Variants in IQGAP1 observed in about 807,000 individuals in gnomAD.
IQGAP1 encodes ras GTPase-activating-like protein IQGAP1.
Under a neutral mutation model 215.6 loss-of-function variants are expected in IQGAP1, and 66 were observed. The ratio of observed to expected loss-of-function variants is 0.31; its 90% confidence interval spans 0.25 to 0.38. The LOEUF (loss-of-function observed/expected upper bound fraction) is 0.38. Ranked by LOEUF, IQGAP1 falls within the 10% of genes least tolerant of loss-of-function variation. The probability of loss-of-function intolerance (pLI) is 1.00; values close to 1 mark genes in which losing one functional copy is unlikely to be tolerated. For synonymous variants in IQGAP1, 772 were observed against 728.7 expected (o/e 1.06, Z -0.96); for missense variants, 1,712 against 1,997.1 (o/e 0.86, Z 2.72).
At position 90,439,317 on chromosome 15, in the gene IQGAP1, T is replaced by C; in HGVS notation, c.468-15T>C. On this transcript the variant is annotated splice_polypyrimidine_tract_variant and intron_variant, in intron 5 of 37. Transcript: ENST00000268182. ...CAGCTGGGAGGCCTAACCTTTTGCA[T>C]ATTGTATCTTCTAGTTTGTACCTGT... is the stretch of plus-strand genomic sequence containing the variant. 1 of 1,610,322 alleles carries C rather than the reference T, an allele frequency of 6.2e-7. No homozygotes were observed. The highest frequency in any genetic ancestry group is 8.5e-7 in the Non-Finnish European group (1 of 1,177,404).
chr15:90,473,726 A>C lies in IQGAP1; in HGVS notation c.2361A>C (p.Arg787Ser). ...PAITCIQSQW[R>S]GYKQKKAYQD... ...TTTGACTGTTTCAGTCACAGTGGAGAGGATACAAGCAGAAGAAGGCATATC... is the reference window on the plus strand; with the variant it reads ...TTTGACTGTTTCAGTCACAGTGGAGCGGATACAAGCAGAAGAAGGCATATC... The change falls in exon 20 of 38, where the codon AGA becomes AGC. Residue 787 changes from arginine to serine, a missense_variant. Arg to Ser is a moderately radical substitution (Grantham distance 110). This residue lies in a region of IQGAP1 where 1,021 missense variants were observed against 1,074.2 expected (regional missense o/e 0.95). Transcript: ENST00000268182. 4 of 1,607,816 alleles carry C rather than the reference A, an allele frequency of 2.5e-6. No homozygotes were observed. Among genetic ancestry groups the C allele is most frequent in the Non-Finnish European group, 3.4e-6 (4 of 1,176,238 alleles).
At chr15:90,461,633 G>A (rs1322892553) in intron 15 of IQGAP1, among the ~76,000 whole-genome samples, 1 of 152,146 alleles carries the variant, frequency 6.6e-6, no homozygotes, top group East Asian at 1.9e-4. Context: ...GAGGTCAGGA[G>A]TTTGAGACCA....
At chr15:90,487,454 A>AAC in intron 32 of IQGAP1, 41 bp from the exon 33 acceptor site, 1 of 1,427,318 alleles carries the variant, frequency 7.0e-7, no homozygotes, top group East Asian at 2.3e-5. Context: ...GAGGAACTAG[A>AAC]ACACTGGTAA....
intron 2 of IQGAP1, among the ~76,000 whole-genome samples, chr15:90,424,585 C>G (rs1965193945): frequency 6.6e-6 from 1 of 152,144 alleles, no homozygotes; most frequent in Non-Finnish European, 1.5e-5. Flanking sequence ...GCCTGTAATC[C>G]CAGCACTTTG....
chr15:90,436,895 C>T (rs147247530), intron 5 of IQGAP1, among the ~76,000 whole-genome samples: 2 of 152,286 alleles, frequency 1.3e-5, no homozygotes, highest in East Asian at 1.9e-4. Flanking sequence ...GCCAGTGATA[C>T]GGTTGTAGCA....
At chr15:90,418,751 CT>C (rs1231231450) in intron 2 of IQGAP1, among the ~76,000 whole-genome samples, 12 of 152,206 alleles carry the variant, frequency 7.9e-5, no homozygotes, top group African/African-American at 2.9e-4. Flanking sequence ...GTGTGGGATA[CT>C]TCAGGAAGCC....
In IQGAP1 at chr15:90,388,394, G is replaced by C. The variant is rs767684173; in HGVS notation, c.53G>C (p.Gly18Ala). 3 of 1,583,572 alleles carry C rather than the reference G, an allele frequency of 1.9e-6. No individual in the cohort carries two copies. The highest frequency in any genetic ancestry group is 2.6e-6 in the Non-Finnish European group (3 of 1,167,558). The change falls in exon 1 of 38, where the codon GGC becomes GCC. Residue 18 changes from glycine (G) to alanine (A), a missense_variant and splice_region_variant. Physicochemically the swap from Gly to Ala is moderately conservative, Grantham distance 60. Coordinates refer to ENST00000268182, the MANE Select transcript of IQGAP1 (RefSeq NM_003870.4). Reference protein sequence around the residue: ...DGLGVARPHYGSVLDNERLTA... With the variant: ...DGLGVARPHYASVLDNERLTA... The stretch of plus-strand genomic sequence containing the variant: ...CTGGGCGTGGCCCGGCCGCACTATG[G>C]CTGTGAGTGCGGGGCTCCGCGGCGC...
rs761306015 is a variant in IQGAP1, at chr15:90,449,631, C to T, written c.1150C>T (p.Gln384Ter). 25 of 1,611,164 alleles carry T rather than the reference C, an allele frequency of 1.6e-5. No homozygotes were observed. The highest frequency in any genetic ancestry group is 2.1e-5 in the Non-Finnish European group (25 of 1,178,606). ...GGATGCTGCAAACAGTGCTGCCCAG[C>T]AATATCAGAGAAGTAAGAGTCCATT... ...GVDAANSAAQ[Q>*]YQRRLAAVAL... The change falls in exon 11 of 38, where the codon CAA becomes TAA. Residue 384 changes from glutamine (Q) to a stop codon, truncating the protein, a stop_gained. Transcript: ENST00000268182. LOFTEE classifies it high-confidence loss of function.
Position 90,422,664 on chromosome 15 carries a change from A to ATATATATATATATG in IQGAP1, c.156-3433_156-3432insGTATATATATATAT, listed in dbSNP as rs1555435960. On this transcript the variant is annotated intron_variant, in intron 2 of 37. Transcript: ENST00000268182. ...TGTATATGTATATATATATATGTATATATATATATATATATAATTTTTGAG... is the reference window on the plus strand; with the variant it reads ...TGTATATGTATATATATATATGTATATATATATATATATGTATATATATATATATAATTTTTGAG... 5.1e-3 allele frequency among the ~76,000 whole-genome samples: 621 copies of ATATATATATATATG among 121,400 alleles called. 37 individuals carry two copies. The East Asian group carries it at 0.11, about 22-fold the overall frequency. The allele number at this position is 121,400 out of a possible 152,430, so 79.6% of individuals were successfully genotyped here. A position where few individuals can be genotyped will look rare whatever the true frequency, so the allele number is the denominator to read the frequency against.
chr15:90,486,792 G>C, intron 31 of IQGAP1, 162 bp from the exon 32 acceptor site: 1 of 677,214 alleles, frequency 1.5e-6, no homozygotes, highest in Admixed American at 2.8e-5. Flanking sequence ...TTATCATTTG[G>C]CATAACATTT....
rs866120316 is a variant in IQGAP1 at position 90,453,025 on chromosome 15, T to C, written c.1326+87T>C. 38 of 1,559,040 alleles carry C rather than the reference T, an allele frequency of 2.4e-5. No individual in the cohort carries two copies. In the Middle Eastern group the frequency reaches 1.0e-3, roughly 43 times the overall value. On this transcript the variant is annotated intron_variant, in intron 12 of 37. Coordinates refer to ENST00000268182, the MANE Select transcript of IQGAP1 (RefSeq NM_003870.4). ...ACTTCTTCCTGTGGTTAGGTAGAACTTTTTTGCATAAACTTGGTTTTCTTA... is the reference window on the plus strand; with the variant it reads ...ACTTCTTCCTGTGGTTAGGTAGAACCTTTTTGCATAAACTTGGTTTTCTTA...
Position 90,441,491 on chromosome 15 carries a change from TG to T in IQGAP1, c.650-14del, listed in dbSNP as rs375385878. On this transcript the variant is annotated splice_polypyrimidine_tract_variant and intron_variant, in intron 7 of 37. Transcript: ENST00000268182. Reference sequence around the variant, plus strand: ...CAGTGTTTTTGTTGGTTTGTTTTTTTGTTTTTTTTTTTAGTACATGCTGCTG... The same window carrying T: ...CAGTGTTTTTGTTGGTTTGTTTTTTTTTTTTTTTTTTAGTACATGCTGCTG... 2.5e-6 allele frequency: 4 copies of T among 1,589,132 alleles called. No individual in the cohort carries two copies. Among genetic ancestry groups the T allele is most frequent in the Admixed American group, 3.6e-5 (2 of 55,490 alleles).
chr15:90,465,692 T>C (rs1394631099), intron 15 of IQGAP1, among the ~76,000 whole-genome samples: 1 of 151,558 alleles, frequency 6.6e-6, no homozygotes, highest in Non-Finnish European at 1.5e-5. Flanking sequence ...TTTGTTTGTT[T>C]GTTTGTTTGT....
At chr15:90,454,404 T>G (rs989305658) in intron 13 of IQGAP1, 24 bp from the exon 14 acceptor site, 2 of 1,613,126 alleles carry the variant, frequency 1.2e-6, no homozygotes, top group Non-Finnish European at 8.5e-7. Flanking sequence ...CTTAATGCTC[T>G]TTTTACTTGG....
intron 33 of IQGAP1, among the ~76,000 whole-genome samples, chr15:90,488,230 T>TAATAAATAAATA (rs76285758): frequency 0.083 from 12,182 of 147,590 alleles, 1,247 homozygotes; most frequent in African/African-American, 0.24. Context: ...CAAAAAATAA[T>TAATAAATAAATA]AATAAATAAA....
intron 18 of IQGAP1, among the ~76,000 whole-genome samples, chr15:90,471,395 C>CA (rs1026676711): frequency 4.6e-5 from 7 of 151,612 alleles, no homozygotes; most frequent in African/African-American, 1.2e-4. Context: ...GGAAGGAGAG[C>CA]AAAAAAGGTG....
chr15:90,448,103 A>G (rs901776449), intron 9 of IQGAP1, among the ~76,000 whole-genome samples: 1 of 152,216 alleles, frequency 6.6e-6, no homozygotes, highest in African/African-American at 2.4e-5. Context: ...GGGCAGTGGA[A>G]TGTATTCAGT....
At chr15:90,434,787 T>C (rs528055333) in intron 5 of IQGAP1, among the ~76,000 whole-genome samples, 1 of 152,312 alleles carries the variant, frequency 6.6e-6, no homozygotes, top group Admixed American at 6.5e-5. Context: ...TTGAGGGTCA[T>C]GTTGGTGCTT....
chr15:90,456,206 A>C lies in IQGAP1; in HGVS notation c.1667A>C (p.Lys556Thr). The C allele has an allele frequency of 6.2e-7, 1 of 1,614,158 alleles. No homozygotes were observed. Among genetic ancestry groups the C allele is most frequent in the East Asian group, 2.2e-5 (1 of 44,890 alleles). ...GCCCTGGATGAAGGTGATGCCCAAA[A>C]GACTCTGCAGGCCCTACAGATTCCT... The part of the protein sequence containing the change: ...NEALDEGDAQ[K>T]TLQALQIPAA... The change falls in exon 15 of 38, where the codon AAG (lysine) becomes ACG (threonine). Residue 556 changes from lysine (K) to threonine (T), a missense_variant. This residue lies in a region of IQGAP1 where 1,021 missense variants were observed against 1,074.2 expected (regional missense o/e 0.95). Coordinates refer to ENST00000268182, the MANE Select transcript of IQGAP1 (RefSeq NM_003870.4).
Sources: allele counts gnomAD v4.1 joint callset (sites outside exome capture counted in the v4.1 genomes callset), GRCh38; gene constraint gnomAD v4.1.1; regional missense constraint gnomAD v4.1.1; transcripts MANE v1.5; gene names NCBI Gene and HGNC (gene_info 2026-07-23, HGNC 2026-07-21).